Variants in PHLPP1 observed in about 807,000 individuals in gnomAD.
The protein encoded by PHLPP1 is PH domain and leucine rich repeat protein phosphatase 1.
PHLPP1 carries 42 observed loss-of-function variants against 117.2 expected under a neutral mutation model. That is an observed-to-expected ratio of 0.36 (90% CI 0.28 to 0.46). PHLPP1 has a LOEUF of 0.46. PHLPP1 is among the 20% of genes least tolerant of loss of function. The probability of loss-of-function intolerance (pLI) is 1.00; values close to 1 mark genes in which losing one functional copy is unlikely to be tolerated. For synonymous variants in PHLPP1, 1,042 were observed against 970.7 expected (o/e 1.07, Z -1.37); for missense variants, 2,084 against 2,241.9 (o/e 0.93, Z 1.42).
chr18:62,763,858 A>G (rs1912348970), intron 1 of PHLPP1, among the ~76,000 whole-genome samples: 2 of 151,944 alleles, frequency 1.3e-5, no homozygotes, highest in African/African-American at 4.8e-5. Context: ...TAAATGCTCA[A>G]ATAGTTTCTG....
intron 1 of PHLPP1, among the ~76,000 whole-genome samples, chr18:62,746,582 AG>A (rs1197534008): frequency 2.6e-4 from 39 of 152,162 alleles, no homozygotes; most frequent in Non-Finnish European, 4.6e-4. Context: ...AATGTATTAT[AG>A]GCCATTTCAA....
At chr18:62,809,423 A>G (rs1914048177) in intron 1 of PHLPP1, among the ~76,000 whole-genome samples, 1 of 152,216 alleles carries the variant, frequency 6.6e-6, no homozygotes. Context: ...GTAACAGGCC[A>G]GGTGCGGTGG....
chr18:62,749,269 A>G (rs902746350), intron 1 of PHLPP1, among the ~76,000 whole-genome samples: 2 of 151,494 alleles, frequency 1.3e-5, no homozygotes, highest in Non-Finnish European at 2.9e-5. Flanking sequence ...TTGCAGCCTC[A>G]TATGACCAAA....
At chr18:62,836,396 C>T (rs939047023) in intron 2 of PHLPP1, among the ~76,000 whole-genome samples, 3 of 150,696 alleles carry the variant, frequency 2.0e-5, no homozygotes, top group Admixed American at 1.3e-4. Context: ...CGTGCCACTG[C>T]ACTGCAGCCT....
intron 1 of PHLPP1, among the ~76,000 whole-genome samples, chr18:62,738,970 C>T (rs1395828853): frequency 6.6e-6 from 1 of 152,168 alleles, no homozygotes; most frequent in Non-Finnish European, 1.5e-5. Flanking sequence ...TGACCATAAT[C>T]CCATTAACCA....
At chr18:62,957,329 A>C (rs1910640528) in intron 12 of PHLPP1, among the ~76,000 whole-genome samples, 2 of 152,064 alleles carry the variant, frequency 1.3e-5, no homozygotes, top group African/African-American at 4.8e-5. Flanking sequence ...TTACAGGTAA[A>C]ACCTGATTTT....
intron 1 of PHLPP1, among the ~76,000 whole-genome samples, chr18:62,764,163 CA>C (rs34939800): frequency 0.23 from 18,127 of 79,164 alleles, 1,099 homozygotes; most frequent in Middle Eastern, 0.31. Flanking sequence ...AACTCCATCT[CA>C]AAAAAAAAAA....
chr18:62,856,528 A>C (rs2144358225), intron 3 of PHLPP1, among the ~76,000 whole-genome samples: 1 of 152,252 alleles, frequency 6.6e-6, no homozygotes, highest in South Asian at 2.1e-4. Flanking sequence ...TCTGGGCTCA[A>C]GTGGTCCGTC....
intron 6 of PHLPP1, among the ~76,000 whole-genome samples, chr18:62,900,124 C>G (rs1216685937): frequency 6.6e-6 from 1 of 152,010 alleles, no homozygotes; most frequent in African/African-American, 2.4e-5. Flanking sequence ...TGGCAAAACC[C>G]CGCCTCTACT....
intron 4 of PHLPP1, among the ~76,000 whole-genome samples, chr18:62,875,144 T>C (rs938003155): frequency 6.6e-6 from 1 of 152,074 alleles, no homozygotes; most frequent in Non-Finnish European, 1.5e-5. Context: ...TTAGTAGAGA[T>C]GGAGTTTCAC....
intron 10 of PHLPP1, among the ~76,000 whole-genome samples, chr18:62,940,804 G>A (rs767365108): frequency 2.0e-5 from 3 of 152,060 alleles, no homozygotes; most frequent in Non-Finnish European, 2.9e-5. Flanking sequence ...TTGATGCTTC[G>A]TCTCAAAGTG....
At chr18:62,812,090 T>C (rs1914140233) in intron 1 of PHLPP1, among the ~76,000 whole-genome samples, 1 of 152,196 alleles carries the variant, frequency 6.6e-6, no homozygotes. Flanking sequence ...TTAATTATAT[T>C]GGGACTTATA....
At chr18:62,952,834 T>A (rs556801546) in intron 12 of PHLPP1, among the ~76,000 whole-genome samples, 3 of 152,256 alleles carry the variant, frequency 2.0e-5, no homozygotes, top group Non-Finnish European at 2.9e-5. Context: ...ATTACCCAGG[T>A]GGATCTCGAA....
intron 12 of PHLPP1, among the ~76,000 whole-genome samples, chr18:62,953,810 G>A (rs1160344644): frequency 2.6e-5 from 4 of 152,222 alleles, no homozygotes; most frequent in African/African-American, 9.6e-5. Context: ...TTTTGGAACT[G>A]ACTGTGCCAC....
chr18:62,874,977 C>T (rs1027249866), intron 4 of PHLPP1, among the ~76,000 whole-genome samples: 5 of 152,116 alleles, frequency 3.3e-5, no homozygotes, highest in African/African-American at 1.2e-4. Flanking sequence ...ATATTTGAGA[C>T]GGAGTCTCGC....
At chr18:62,772,461 A>G (rs748211156) in intron 1 of PHLPP1, among the ~76,000 whole-genome samples, 13 of 152,174 alleles carry the variant, frequency 8.5e-5, no homozygotes, top group Non-Finnish European at 1.3e-4. Context: ...ATCCCATAAC[A>G]TATCTTGGGT....
intron 1 of PHLPP1, among the ~76,000 whole-genome samples, chr18:62,736,518 T>G (rs1359400937): frequency 6.6e-6 from 1 of 152,104 alleles, no homozygotes; most frequent in Non-Finnish European, 1.5e-5. Context: ...ATGGAAGAAT[T>G]GTGGATCAGT....
chr18:62,906,062 C>G (rs1041606588), intron 8 of PHLPP1, among the ~76,000 whole-genome samples: 1 of 152,140 alleles, frequency 6.6e-6, no homozygotes, highest in African/African-American at 2.4e-5. Context: ...GAGTTTGTGG[C>G]CCACTCAAGG....
At chr18:62,831,860 T>C (rs1914766792) in intron 2 of PHLPP1, among the ~76,000 whole-genome samples, 1 of 152,208 alleles carries the variant, frequency 6.6e-6, no homozygotes, top group Admixed American at 6.5e-5. Flanking sequence ...TTTTCAAAAA[T>C]AGGTTTTGGT....
Sources: gnomAD v4.1 joint callset for allele counts (sites outside exome capture counted in the v4.1 genomes callset) on GRCh38, gnomAD v4.1.1 for gene constraint, MANE v1.5 for transcripts, NCBI Gene and HGNC (gene_info 2026-07-23, HGNC 2026-07-21) for gene names.